The following QTMAN variants were observed in gnomAD, a reference collection of about 807,000 sequenced individuals.
The protein encoded by QTMAN is queuosine-tRNA mannosyltransferase.
the QTMAN span, among the ~76,000 whole-genome samples, chr2:144,094,565 C>G: frequency 1.3e-5 from 2 of 152,064 alleles, no homozygotes; most frequent in African/African-American, 4.8e-5. Flanking sequence ...TAAGTGCAAG[C>G]AGGGGAAATA....
the QTMAN span, among the ~76,000 whole-genome samples, chr2:144,030,495 A>G: frequency 6.6e-6 from 1 of 152,150 alleles, no homozygotes; most frequent in Non-Finnish European, 1.5e-5. Context: ...AAGCTCTAGG[A>G]AGCAGGAATC....
the QTMAN span, among the ~76,000 whole-genome samples, chr2:144,161,754 G>C: frequency 1.3e-5 from 2 of 152,170 alleles, no homozygotes; most frequent in African/African-American, 4.8e-5. Flanking sequence ...GGCAATACCT[G>C]TGTACAAATA....
chr2:144,105,195 C>T, the QTMAN span, among the ~76,000 whole-genome samples: 65 of 152,144 alleles, frequency 4.3e-4, no homozygotes, highest in Non-Finnish European at 7.4e-4. Context: ...AAAATCAGAG[C>T]GCCTCTCCCC....
chr2:144,118,296 C>T, the QTMAN span, among the ~76,000 whole-genome samples: 2 of 152,052 alleles, frequency 1.3e-5, no homozygotes, highest in Non-Finnish European at 2.9e-5. Context: ...TATAAAAATG[C>T]CATGGCATCT....
At chr2:144,207,892 C>G in the QTMAN span, among the ~76,000 whole-genome samples, 3 of 152,068 alleles carry the variant, frequency 2.0e-5, no homozygotes, top group East Asian at 5.8e-4. Context: ...GGGTCTCACT[C>G]TATTGCCCAG....
At chr2:144,013,629 A>T in the QTMAN span, among the ~76,000 whole-genome samples, 1 of 152,202 alleles carries the variant, frequency 6.6e-6, no homozygotes, top group South Asian at 2.1e-4. Context: ...CAGAAAAAAT[A>T]TCAACAGTTT....
the QTMAN span, among the ~76,000 whole-genome samples, chr2:144,163,147 A>T: frequency 6.6e-6 from 1 of 152,314 alleles, no homozygotes; most frequent in African/African-American, 2.4e-5. Flanking sequence ...AATTATAAAT[A>T]TACTATTATT....
the QTMAN span, chr2:144,145,541 G>T: frequency 1.9e-6 from 3 of 1,540,762 alleles, no homozygotes; most frequent in South Asian, 1.2e-5. Context: ...GGTAGCAAAG[G>T]GCCAAATATA....
chr2:144,223,416 C>T, the QTMAN span, among the ~76,000 whole-genome samples: 2 of 152,032 alleles, frequency 1.3e-5, no homozygotes, highest in Non-Finnish European at 2.9e-5. Context: ...AAAAGAAATC[C>T]TCCTCTTAGG....
At chr2:144,163,687 G>T in the QTMAN span, among the ~76,000 whole-genome samples, 1 of 152,082 alleles carries the variant, frequency 6.6e-6, no homozygotes, top group Non-Finnish European at 1.5e-5. Context: ...GTTTTAAAGG[G>T]CAAAAAATCA....
chr2:144,301,924 A>G, the QTMAN span, among the ~76,000 whole-genome samples: 3 of 152,206 alleles, frequency 2.0e-5, no homozygotes, highest in African/African-American at 7.2e-5. Context: ...GTAGGTATAA[A>G]TAAGTGGAAG....
chr2:144,263,118 G>A, the QTMAN span, among the ~76,000 whole-genome samples: 1 of 151,784 alleles, frequency 6.6e-6, no homozygotes, highest in Non-Finnish European at 1.5e-5. Flanking sequence ...TTACTGCTTG[G>A]CAGGTACACA....
the QTMAN span, among the ~76,000 whole-genome samples, chr2:144,197,518 A>G: frequency 1.2e-4 from 18 of 152,166 alleles, no homozygotes. Context: ...TATTATTAGC[A>G]TTATCTAGTT....
At chr2:144,310,900 T>G in the QTMAN span, among the ~76,000 whole-genome samples, 1 of 152,148 alleles carries the variant, frequency 6.6e-6, no homozygotes, top group Non-Finnish European at 1.5e-5. Context: ...TTCAAAGAAA[T>G]AAAGATTTTT....
the QTMAN span, chr2:143,945,202 A>G: frequency 1.3e-5 from 2 of 152,202 alleles, no homozygotes; most frequent in African/African-American, 4.8e-5. Flanking sequence ...TCATATTTAT[A>G]TCTTTAGTTT....
At chr2:144,070,636 C>T in the QTMAN span, among the ~76,000 whole-genome samples, 5 of 152,106 alleles carry the variant, frequency 3.3e-5, no homozygotes, top group African/African-American at 7.2e-5. Flanking sequence ...TGTGTTAACA[C>T]AATAGACCAT....
chr2:144,316,739 T>C, the QTMAN span, among the ~76,000 whole-genome samples: 4 of 152,222 alleles, frequency 2.6e-5, no homozygotes, highest in African/African-American at 9.6e-5. Context: ...CATGAAGTCA[T>C]TCGTGTTAAA....
the QTMAN span, among the ~76,000 whole-genome samples, chr2:144,097,392 C>T: frequency 6.6e-6 from 1 of 152,172 alleles, no homozygotes; most frequent in African/African-American, 2.4e-5. Flanking sequence ...GAGGAGTTGA[C>T]AGGTTCAGCT....
At chr2:144,222,444 T>A in the QTMAN span, among the ~76,000 whole-genome samples, 3 of 152,060 alleles carry the variant, frequency 2.0e-5, no homozygotes, top group Non-Finnish European at 4.4e-5. Context: ...AGGGGAAATA[T>A]TTAATTAAGG....
Sources: gnomAD v4.1 joint callset for allele counts (sites outside exome capture counted in the v4.1 genomes callset) on GRCh38, gnomAD v4.1.1 for gene constraint, MANE v1.5 for transcripts, NCBI Gene and HGNC (gene_info 2026-07-23, HGNC 2026-07-21) for gene names.